SLC39A11: variants seen among roughly 807,000 people sequenced by gnomAD.
The protein encoded by SLC39A11 is solute carrier family 39 member 11, also known as zinc transporter ZIP11.
SLC39A11 carries 33 observed loss-of-function variants against 36.1 expected under a neutral mutation model. The ratio of observed to expected loss-of-function variants is 0.91; its 90% CI spans 0.69 to 1.22. The LOEUF is 1.22. Among genes scored for constraint, SLC39A11 ranks in the 50% most tolerant of loss-of-function variants. SLC39A11 has a pLI of 0.00. For missense variants in SLC39A11, 432 were observed against 430.3 expected (o/e 1.00, Z -0.03); for synonymous variants, 166 against 170.3 (o/e 0.97, Z 0.20).
chr17:72,837,360 CAAAAAAAAAAA>C (rs34639176), intron 6 of SLC39A11, among the ~76,000 whole-genome samples: 2 of 91,134 alleles, frequency 2.2e-5, no homozygotes, highest in East Asian at 6.5e-4. Flanking sequence ...GTATATTGCT[CAAAAAAAAAAA>C]AAAAAAAAAA....
intron 7 of SLC39A11, among the ~76,000 whole-genome samples, chr17:72,717,080 ATG>A (rs370287297): frequency 1.3e-3 from 195 of 145,612 alleles, no homozygotes; most frequent in African/African-American, 4.4e-3. Flanking sequence ...ATATAAGTAT[ATG>A]TATATATGTA....
chr17:72,772,173 G>A (rs1255105847), intron 6 of SLC39A11, among the ~76,000 whole-genome samples: 1 of 152,042 alleles, frequency 6.6e-6, no homozygotes, highest in Non-Finnish European at 1.5e-5. Flanking sequence ...TCTTCAGGAG[G>A]GCTGAGCAAT....
chr17:72,675,709 G>A (rs1366354017), intron 7 of SLC39A11, among the ~76,000 whole-genome samples: 3 of 151,338 alleles, frequency 2.0e-5, no homozygotes, highest in Non-Finnish European at 4.4e-5. Context: ...GTAAGATGGT[G>A]TTTCACTCTT....
intron 7 of SLC39A11, among the ~76,000 whole-genome samples, chr17:72,733,499 C>G (rs969304474): frequency 3.3e-5 from 5 of 152,128 alleles, no homozygotes; most frequent in Non-Finnish European, 5.9e-5. Context: ...ATAAGCTAAG[C>G]ATCTGCAGCC....
At chr17:72,847,366 C>T (rs1598978151) in intron 6 of SLC39A11, among the ~76,000 whole-genome samples, 2 of 151,188 alleles carry the variant, frequency 1.3e-5, no homozygotes, top group East Asian at 3.9e-4. Flanking sequence ...TGCACCACTG[C>T]ACTCCAGCCT....
At chr17:72,926,902 G>A (rs961971500) in intron 5 of SLC39A11, among the ~76,000 whole-genome samples, 2 of 152,196 alleles carry the variant, frequency 1.3e-5, no homozygotes, top group Non-Finnish European at 2.9e-5. Context: ...AAAGTCTTCT[G>A]TTCACAGATA....
Position 72,930,504 on chromosome 17 carries a change from AG to A in SLC39A11, c.430+17247del, listed in dbSNP as rs557239840. 9.8e-5 allele frequency among the ~76,000 whole-genome samples: 15 copies of A among 152,332 alleles called. No individual in the cohort carries two copies. In the South Asian group the frequency reaches 2.9e-3, roughly 29 times the overall value. ...ACCATTAAGAATCCTCAAGTTGAGT[AG>A]TACTGGAACATAAGGTTCTGAGGAA... On this transcript the variant is annotated intron_variant, in intron 5 of 9. Transcript: ENST00000255559.
chr17:73,021,502 C>T (rs1598887426), intron 4 of SLC39A11, among the ~76,000 whole-genome samples: 2 of 152,008 alleles, frequency 1.3e-5, no homozygotes, highest in African/African-American at 4.8e-5. Flanking sequence ...CCACCATGCC[C>T]GGCTAACTTT....
chr17:72,979,917 C>T (rs1050270696), intron 4 of SLC39A11, among the ~76,000 whole-genome samples: 1 of 152,142 alleles, frequency 6.6e-6, no homozygotes, highest in Non-Finnish European at 1.5e-5. Flanking sequence ...CAAAGCAGCA[C>T]ACCCACTTCC....
chr17:72,965,696 G>A (rs1416811769), intron 4 of SLC39A11, among the ~76,000 whole-genome samples: 1 of 152,202 alleles, frequency 6.6e-6, no homozygotes, highest in African/African-American at 2.4e-5. Context: ...GTAAGTCAAG[G>A]AGTATCTCCA....
chr17:72,827,683 C>T (rs1567778788), intron 6 of SLC39A11, among the ~76,000 whole-genome samples: 1 of 152,140 alleles, frequency 6.6e-6, no homozygotes, highest in East Asian at 1.9e-4. Flanking sequence ...TGCCTTCAGC[C>T]ATCTCATTCT....
intron 6 of SLC39A11, among the ~76,000 whole-genome samples, chr17:72,746,728 A>T (rs1197186132): frequency 1.3e-5 from 2 of 151,630 alleles, no homozygotes; most frequent in Non-Finnish European, 2.9e-5. Flanking sequence ...ACAGAGCAAG[A>T]CTCCGTCTCA....
At chr17:73,006,020 G>A (rs1230581046) in intron 4 of SLC39A11, among the ~76,000 whole-genome samples, 1 of 151,880 alleles carries the variant, frequency 6.6e-6, no homozygotes, top group Non-Finnish European at 1.5e-5. Flanking sequence ...ACAAGACAAT[G>A]CCTATAGAGA....
chr17:72,792,955 A>G (rs542537007), intron 6 of SLC39A11, among the ~76,000 whole-genome samples: 2 of 152,292 alleles, frequency 1.3e-5, no homozygotes, highest in African/African-American at 4.8e-5. Context: ...ACATCAAAAC[A>G]AGGCTCAGGA....
chr17:72,905,653 G>A lies in SLC39A11; in HGVS notation c.430+42099C>T, dbSNP rs370714361. Among the ~76,000 whole-genome samples, 180 of 151,878 alleles carry A rather than the reference G, an allele frequency of 1.2e-3. 2 individuals are homozygous for A. Among genetic ancestry groups the A allele is most frequent in the Middle Eastern group, 3.4e-3 (1 of 294 alleles). ...GTCACCCAGGCTGGAGTGCAGTGGCGCAATCTCAGCTCACGGCAGCCTTAA... is the reference window on the plus strand; with the variant it reads ...GTCACCCAGGCTGGAGTGCAGTGGCACAATCTCAGCTCACGGCAGCCTTAA... On this transcript the variant is annotated intron_variant, in intron 5 of 9. Transcript: ENST00000255559.
intron 7 of SLC39A11, among the ~76,000 whole-genome samples, chr17:72,728,431 G>A (rs369096878): frequency 4.6e-5 from 7 of 152,066 alleles, no homozygotes; most frequent in African/African-American, 1.7e-4. Flanking sequence ...GACAGAGTGA[G>A]ACCCTGTCAA....
chr17:72,790,152 G>A (rs1411511260), intron 6 of SLC39A11, among the ~76,000 whole-genome samples: 4 of 152,280 alleles, frequency 2.6e-5, no homozygotes, highest in African/African-American at 4.8e-5. Context: ...TTTGTCTTTC[G>A]AAAGACTAGC....
intron 6 of SLC39A11, 152 bp from the exon 7 acceptor site, chr17:72,736,871 A>G (rs963093444): frequency 1.8e-5 from 12 of 677,594 alleles, no homozygotes; most frequent in Non-Finnish European, 2.9e-5. Flanking sequence ...AAACTAAGTC[A>G]TGGGGGCCAA....
chr17:72,759,050 G>A (rs943320903), intron 6 of SLC39A11, among the ~76,000 whole-genome samples: 4 of 151,958 alleles, frequency 2.6e-5, no homozygotes, highest in African/African-American at 7.3e-5. Context: ...GCAGTGAGCC[G>A]AGATCGTGCC....
Sources: gnomAD v4.1 joint callset for allele counts (sites outside exome capture counted in the v4.1 genomes callset) on GRCh38, gnomAD v4.1.1 for gene constraint, MANE v1.5 for transcripts, NCBI Gene and HGNC (gene_info 2026-07-23, HGNC 2026-07-21) for gene names.